The following MSI2 variants were observed in gnomAD, a reference collection of about 807,000 sequenced individuals.
The protein encoded by MSI2 is musashi RNA binding protein 2.
MSI2 carries 17 observed loss-of-function variants against 45.6 expected under a neutral mutation model. That is an observed-to-expected ratio of 0.37 (90% CI 0.26 to 0.56). MSI2 has a LOEUF of 0.56. Ranked by LOEUF, MSI2 falls within the 20% of genes least tolerant of loss-of-function variation. The pLI, the probability that MSI2 is intolerant of heterozygous loss-of-function variation, is 0.77. For missense variants in MSI2, 293 were observed against 444.2 expected (o/e 0.66, Z 3.06); for synonymous variants, 156 against 158.2 (o/e 0.99, Z 0.11).
rs75699038 is a variant in MSI2, at chr17:57,303,178, C to T, written c.312+40986C>T. ...GCTGTGGCTGTAGCTTTGGCGGGGG[C>T]GGTCTGTTTTACTACATGTTCAGCT... On this transcript the variant is annotated intron_variant, in intron 5 of 13. Transcript: ENST00000284073. 8.6e-3 allele frequency among the ~76,000 whole-genome samples: 1,308 copies of T among 152,190 alleles called. 16 individuals are homozygous for T. The highest frequency in any genetic ancestry group is 0.03 in the African/African-American group (1,232 of 41,512).
intron 11 of MSI2, among the ~76,000 whole-genome samples, chr17:57,670,313 C>T (rs1336740505): frequency 6.6e-6 from 1 of 152,230 alleles, no homozygotes; most frequent in Non-Finnish European, 1.5e-5. Flanking sequence ...ATTCCACTCT[C>T]AGCCCAGCCC....
chr17:57,455,546 C>T (rs756962978), intron 6 of MSI2, among the ~76,000 whole-genome samples: 1 of 152,132 alleles, frequency 6.6e-6, no homozygotes, highest in Non-Finnish European at 1.5e-5. Context: ...AAAAAGAGAT[C>T]GTCTTTAAAC....
intron 5 of MSI2, among the ~76,000 whole-genome samples, chr17:57,377,687 TA>T (rs111943352): frequency 1.0e-4 from 15 of 149,176 alleles, no homozygotes; most frequent in Non-Finnish European, 1.2e-4. Context: ...TTCATTACTT[TA>T]AAAAAAAAAG....
chr17:57,617,526 C>A (rs930980113), intron 9 of MSI2, among the ~76,000 whole-genome samples: 8 of 152,108 alleles, frequency 5.3e-5, no homozygotes, highest in African/African-American at 1.9e-4. Flanking sequence ...ATAATTATTT[C>A]CTGGTTCACT....
chr17:57,257,040 A>C, intron 1 of MSI2, 58 bp from the exon 2 acceptor site: 1 of 1,577,132 alleles, frequency 6.3e-7, no homozygotes, highest in Non-Finnish European at 8.6e-7. Flanking sequence ...TGTAAGTTAC[A>C]CGTCAAAATG....
intron 10 of MSI2, among the ~76,000 whole-genome samples, chr17:57,638,319 G>C (rs935817624): frequency 6.6e-6 from 1 of 152,198 alleles, no homozygotes; most frequent in Non-Finnish European, 1.5e-5. Context: ...CACTTCAGTT[G>C]GGGCAAAGGC....
intron 5 of MSI2, among the ~76,000 whole-genome samples, chr17:57,298,013 A>G (rs1911126617): frequency 6.6e-6 from 1 of 151,288 alleles, no homozygotes; most frequent in Non-Finnish European, 1.5e-5. Flanking sequence ...GTTGGAATAA[A>G]CTTCTTTTAA....
rs140636966 is a variant in MSI2 at position 57,648,058 on chromosome 17, G to A, written c.728-4041G>A. Reference sequence around the variant, plus strand: ...GCTCACTGCAACCTCCACCTTCCAGGTTCAAGTGATTCTCCTGCCTCAGCC... The same window carrying A: ...GCTCACTGCAACCTCCACCTTCCAGATTCAAGTGATTCTCCTGCCTCAGCC... On this transcript the variant is annotated intron_variant, in intron 10 of 13. Transcript: ENST00000284073. Among the ~76,000 whole-genome samples the A allele has an allele frequency of 3.1e-4, 47 of 151,794 alleles. 2 individuals carry two copies. In the East Asian group the frequency reaches 9.1e-3, roughly 29 times the overall value.
At chr17:57,614,470 G>A (rs1020601396) in intron 8 of MSI2, among the ~76,000 whole-genome samples, 3 of 152,190 alleles carry the variant, frequency 2.0e-5, no homozygotes, top group African/African-American at 7.2e-5. Context: ...AGCAGCTGTT[G>A]AACTATGTAG....
rs569902566 is a variant in MSI2 at position 57,652,226 on chromosome 17, C to T, written c.790+65C>T. 4.2e-5 allele frequency: 62 copies of T among 1,466,804 alleles called. No individual in the cohort carries two copies. In the African/African-American group the frequency reaches 6.1e-4, roughly 14 times the overall value. 90.9% of individuals were successfully genotyped at this position (1,466,804 alleles called of 1,614,324 possible). A position where few individuals can be genotyped will look rare whatever the true frequency, so the allele number is the denominator to read the frequency against. The stretch of plus-strand genomic sequence containing the variant: ...CCCAGTGTGCAGGGGGAGGTCAAGG[C>T]CCTGTCGGATCTGTGTGGCTGCATC... On this transcript the variant is annotated intron_variant, in intron 11 of 13. Coordinates refer to ENST00000284073, the MANE Select transcript of MSI2 (RefSeq NM_138962.4). The surrounding 1 kb of genome is among the most constrained non-coding windows in gnomAD (Gnocchi z 4.1).
intron 10 of MSI2, among the ~76,000 whole-genome samples, chr17:57,644,930 A>G (rs1337699103): frequency 2.0e-5 from 3 of 152,212 alleles, no homozygotes; most frequent in Non-Finnish European, 4.4e-5. Flanking sequence ...ATAAGTAGCA[A>G]CTGGGCCAGA....
intron 7 of MSI2, among the ~76,000 whole-genome samples, chr17:57,542,668 A>AC (rs1421422845): frequency 6.6e-6 from 1 of 152,112 alleles, no homozygotes; most frequent in East Asian, 1.9e-4. Context: ...AGGGCTGGGC[A>AC]CCCCCTGGGT....
intron 5 of MSI2, among the ~76,000 whole-genome samples, chr17:57,334,914 A>G (rs1035786451): frequency 6.6e-6 from 1 of 152,184 alleles, no homozygotes; most frequent in African/African-American, 2.4e-5. Context: ...TATGAATTTA[A>G]TGGCAATTAA....
At chr17:57,277,365 C>G (rs1879874133) in intron 5 of MSI2, among the ~76,000 whole-genome samples, 1 of 152,128 alleles carries the variant, frequency 6.6e-6, no homozygotes, top group Admixed American at 6.5e-5. Flanking sequence ...GGCTGGTTTT[C>G]TTTTTGACAG....
intron 6 of MSI2, among the ~76,000 whole-genome samples, chr17:57,473,593 G>C (rs2085481643): frequency 2.6e-5 from 4 of 152,222 alleles, no homozygotes; most frequent in African/African-American, 9.6e-5. Flanking sequence ...CACAGCCTGA[G>C]CTACTTAATT....
At chr17:57,678,700 G>A (rs1913415854) in intron 13 of MSI2, among the ~76,000 whole-genome samples, 1 of 152,186 alleles carries the variant, frequency 6.6e-6, no homozygotes, top group Non-Finnish European at 1.5e-5. Context: ...GATGGGGGAG[G>A]CTGCTACCAG....
intron 6 of MSI2, among the ~76,000 whole-genome samples, chr17:57,443,265 G>C (rs2084833569): frequency 6.6e-6 from 1 of 152,282 alleles, no homozygotes; most frequent in African/African-American, 2.4e-5. Context: ...CTTTTCCTTG[G>C]CTCTTCTCGT....
chr17:57,511,911 C>T (rs1055189686), intron 6 of MSI2, among the ~76,000 whole-genome samples: 4 of 152,204 alleles, frequency 2.6e-5, no homozygotes, highest in Admixed American at 2.6e-4. Context: ...CTGCCCTGCT[C>T]CCGTGGCTTA....
chr17:57,605,628 C>T (rs903108223), intron 8 of MSI2, among the ~76,000 whole-genome samples: 2 of 152,212 alleles, frequency 1.3e-5, no homozygotes, highest in Non-Finnish European at 2.9e-5. Flanking sequence ...GAACAGTCTG[C>T]GCCCGTATGC....
Sources: allele counts gnomAD v4.1 joint callset (sites outside exome capture counted in the v4.1 genomes callset), GRCh38; gene constraint gnomAD v4.1.1; non-coding constraint Gnocchi (gnomAD v3.1); transcripts MANE v1.5; gene names NCBI Gene and HGNC (gene_info 2026-07-23, HGNC 2026-07-21).